ATP9B: variants seen among roughly 807,000 people sequenced by gnomAD.
ATP9B encodes probable phospholipid-transporting ATPase IIB.
ATP9B carries 110 observed loss-of-function variants against 146.1 expected under a neutral mutation model. That is an observed-to-expected ratio of 0.75 (90% CI 0.65 to 0.88). ATP9B has a LOEUF of 0.88. Among genes scored for constraint, ATP9B ranks in the 40% least tolerant of loss-of-function variants. The pLI, the probability that ATP9B is intolerant of heterozygous loss-of-function variation, is 0.00. For missense variants in ATP9B, 1,499 were observed against 1,496.4 expected, an observed-to-expected ratio of 1.00 and a Z score of -0.03; for synonymous variants, 604 against 569.7, an observed-to-expected ratio of 1.06 and a Z score of -0.86.
intron 7 of ATP9B, among the ~76,000 whole-genome samples, chr18:79,166,936 CCAGGCATGCTGGCTGTGGCAGGG>C (rs138392077): frequency 0.021 from 3,136 of 152,164 alleles, 115 homozygotes; most frequent in African/African-American, 0.07. Context: ...CTGCACACAG[CCAGGCATGCTGGCTGTGGCAGGG>C]CAGGCAGCTC....
intron 5 of ATP9B, among the ~76,000 whole-genome samples, chr18:79,137,225 C>T (rs1203190395): frequency 1.3e-5 from 2 of 152,018 alleles, no homozygotes; most frequent in African/African-American, 2.4e-5. Context: ...TTTTCATGTC[C>T]GTGTCTGCTA....
In ATP9B at chr18:79,308,012, GA is replaced by G. The variant is rs374058237; in HGVS notation, c.1773+785del. Among the ~76,000 whole-genome samples the G allele has an allele frequency of 2.4e-3, 364 of 152,094 alleles. 1 individual carries two copies. The highest frequency in any genetic ancestry group is 6.4e-3 in the South Asian group (31 of 4,810). On this transcript the variant is annotated intron_variant, in intron 15 of 29. Transcript: ENST00000426216. ...GGCGTACCTTCAGTGAAAACAAAAA[GA>G]AAAAAATCAGATCTAATGTTTTAAA...
At chr18:79,233,973 C>G in intron 11 of ATP9B, among the ~76,000 whole-genome samples, 1 of 152,178 alleles carries the variant, frequency 6.6e-6, no homozygotes, top group Non-Finnish European at 1.5e-5. Context: ...TCATCCTCAT[C>G]GTCTTCCAAT....
At chr18:79,199,735 G>A (rs2095448557) in intron 9 of ATP9B, among the ~76,000 whole-genome samples, 1 of 148,868 alleles carries the variant, frequency 6.7e-6, no homozygotes, top group African/African-American at 2.5e-5. Context: ...CTGCACTCCA[G>A]CCTGGTGACA....
chr18:79,317,483 C>T (rs1350213072), intron 15 of ATP9B, among the ~76,000 whole-genome samples: 1 of 151,912 alleles, frequency 6.6e-6, no homozygotes, highest in Non-Finnish European at 1.5e-5. Flanking sequence ...TAAACATTGG[C>T]AAAAGATTTG....
At chr18:79,202,239 A>C (rs928843806) in intron 9 of ATP9B, among the ~76,000 whole-genome samples, 1 of 152,162 alleles carries the variant, frequency 6.6e-6, no homozygotes, top group Non-Finnish European at 1.5e-5. Flanking sequence ...AACCTTTTTC[A>C]TTATGTGAAT....
chr18:79,263,076 C>G (rs1268647936), intron 12 of ATP9B, among the ~76,000 whole-genome samples: 1 of 152,096 alleles, frequency 6.6e-6, no homozygotes, highest in Non-Finnish European at 1.5e-5. Context: ...GTGGGCTTTA[C>G]AATTTTTATT....
At chr18:79,106,383 G>A (rs975000548) in intron 2 of ATP9B, among the ~76,000 whole-genome samples, 2 of 152,084 alleles carry the variant, frequency 1.3e-5, no homozygotes, top group African/African-American at 4.8e-5. Flanking sequence ...TACTCAGTGA[G>A]GCTTAAACAT....
At chr18:79,368,281 T>C (rs894439965) in intron 26 of ATP9B, among the ~76,000 whole-genome samples, 1 of 152,212 alleles carries the variant, frequency 6.6e-6, no homozygotes, top group Non-Finnish European at 1.5e-5. Context: ...GTGCCTGTGG[T>C]CCCAGCTGCC....
intron 23 of ATP9B, among the ~76,000 whole-genome samples, chr18:79,346,049 ACGCT>A (rs1424935497): frequency 6.6e-6 from 1 of 151,368 alleles, no homozygotes; most frequent in African/African-American, 2.4e-5. Flanking sequence ...CACTCGGTAC[ACGCT>A]CGGTCGGCGC....
intron 26 of ATP9B, among the ~76,000 whole-genome samples, chr18:79,372,041 T>G (rs1321096585): frequency 6.6e-6 from 1 of 152,228 alleles, no homozygotes; most frequent in Non-Finnish European, 1.5e-5. Context: ...AGACAGGGCC[T>G]CTCAACACGT....
At chr18:79,374,394 G>T (rs7236083) in intron 28 of ATP9B, 8 of 45,586 alleles carry the variant, frequency 1.8e-4, no homozygotes, top group East Asian at 0.071. Context: ...TCCCCTGACA[G>T]GAGGCGCTAA....
chr18:79,378,187 C>T lies in ATP9B; in HGVS notation c.*804C>T, dbSNP rs2097111132. The T allele has an allele frequency of 6.6e-6, 1 of 152,266 alleles. No homozygotes were observed. The highest frequency in any genetic ancestry group is 2.4e-5 in the African/African-American group (1 of 41,470). The allele number at this position is 152,266 out of a possible 1,614,324, so 9.4% of individuals were successfully genotyped here. ...TGCAGCTCCCACTCAGACAGACGGC[C>T]TGCCCCACAGCCTGCCCTTTGCTGA... On this transcript the variant is annotated 3_prime_UTR_variant, in exon 30 of 30. Transcript: ENST00000426216.
At chr18:79,255,993 G>A (rs1186426944) in intron 12 of ATP9B, among the ~76,000 whole-genome samples, 1 of 151,894 alleles carries the variant, frequency 6.6e-6, no homozygotes, top group Admixed American at 6.6e-5. Flanking sequence ...ATAGCATGTT[G>A]TTTTCGTTAC....
At chr18:79,271,777 T>C (rs984096101) in intron 12 of ATP9B, among the ~76,000 whole-genome samples, 1 of 152,134 alleles carries the variant, frequency 6.6e-6, no homozygotes, top group Non-Finnish European at 1.5e-5. Flanking sequence ...CTGGGTCAAA[T>C]GGTATTTCTA....
At chr18:79,246,919 T>G (rs1203040696) in intron 11 of ATP9B, among the ~76,000 whole-genome samples, 1 of 152,246 alleles carries the variant, frequency 6.6e-6, no homozygotes, top group Non-Finnish European at 1.5e-5. Flanking sequence ...AGGAATGATG[T>G]ACATTAGAAA....
chr18:79,103,703 A>G (rs1490771390), intron 2 of ATP9B, among the ~76,000 whole-genome samples: 1 of 152,116 alleles, frequency 6.6e-6, no homozygotes, highest in Non-Finnish European at 1.5e-5. Flanking sequence ...TTTGGTAGAG[A>G]TCATCAATAA....
At chr18:79,190,482 T>C (rs190375945) in intron 8 of ATP9B, among the ~76,000 whole-genome samples, 4 of 151,398 alleles carry the variant, frequency 2.6e-5, no homozygotes, top group Admixed American at 2.6e-4. Context: ...TCTACACATA[T>C]CATAAACTGT....
intron 19 of ATP9B, among the ~76,000 whole-genome samples, chr18:79,339,169 G>C (rs1340254866): frequency 2.6e-5 from 4 of 151,954 alleles, no homozygotes; most frequent in Admixed American, 2.6e-4. Context: ...AGTGTGTCAT[G>C]GTCGCAGTAG....
Sources: allele counts gnomAD v4.1 joint callset (sites outside exome capture counted in the v4.1 genomes callset), GRCh38; gene constraint gnomAD v4.1.1; transcripts MANE v1.5; gene names NCBI Gene and HGNC (gene_info 2026-07-23, HGNC 2026-07-21).